Variants in NPAS2 observed in about 807,000 individuals in gnomAD.
NPAS2 encodes neuronal PAS domain-containing protein 2.
NPAS2 carries 23 observed loss-of-function variants against 107.5 expected under a neutral mutation model. The ratio of observed to expected loss-of-function variants is 0.21; its 90% CI spans 0.15 to 0.30. The LOEUF (loss-of-function observed/expected upper bound fraction) is 0.30, where lower values mean the gene tolerates loss of function less well. Ranked by LOEUF, NPAS2 falls within the 10% of genes least tolerant of loss-of-function variation. The probability of loss-of-function intolerance (pLI) is 1.00; values close to 1 mark genes in which losing one functional copy is unlikely to be tolerated. For missense variants in NPAS2, 756 were observed against 1,043.3 expected, an observed-to-expected ratio of 0.72 and a Z score of 3.79; for synonymous variants, 403 against 417.5, an observed-to-expected ratio of 0.97 and a Z score of 0.42.
At chr2:100,993,137 A>C (rs1393324988) in intron 19 of NPAS2, among the ~76,000 whole-genome samples, 1 of 151,824 alleles carries the variant, frequency 6.6e-6, no homozygotes, top group Non-Finnish European at 1.5e-5. Context: ...GTTTCACCAT[A>C]TTGGCCAGGC....
intron 2 of NPAS2, among the ~76,000 whole-genome samples, chr2:100,910,364 T>C (rs1031359150): frequency 6.6e-6 from 1 of 152,070 alleles, no homozygotes; most frequent in African/African-American, 2.4e-5. Context: ...AGCTGTTCTG[T>C]TGCTTCTCGG....
intron 2 of NPAS2, among the ~76,000 whole-genome samples, chr2:100,911,419 T>A (rs1324879209): frequency 1.3e-5 from 2 of 152,210 alleles, no homozygotes; most frequent in Admixed American, 1.3e-4. Context: ...TTTGAAGATG[T>A]GAGCAAAGAT....
chr2:100,846,163 C>T (rs13428708), intron 1 of NPAS2, among the ~76,000 whole-genome samples: 5,267 of 152,218 alleles, frequency 0.035, 146 homozygotes, highest in African/African-American at 0.074. Context: ...TGGTTTTCTG[C>T]TTATATGTTT....
At chr2:100,872,129 A>G (rs1204585476) in intron 1 of NPAS2, among the ~76,000 whole-genome samples, 1 of 152,194 alleles carries the variant, frequency 6.6e-6, no homozygotes, top group African/African-American at 2.4e-5. Flanking sequence ...TGTACTGGAA[A>G]CCATCACCAG....
At chr2:100,868,029 T>C (rs1679359708) in intron 1 of NPAS2, among the ~76,000 whole-genome samples, 1 of 152,202 alleles carries the variant, frequency 6.6e-6, no homozygotes, top group African/African-American at 2.4e-5. Flanking sequence ...TATGAAGACC[T>C]TAGAATGATT....
intron 1 of NPAS2, among the ~76,000 whole-genome samples, chr2:100,895,413 G>A (rs1168816922): frequency 6.6e-6 from 1 of 152,212 alleles, no homozygotes; most frequent in East Asian, 1.9e-4. Flanking sequence ...ACTTGTCCAA[G>A]GTTATACAGA....
At chr2:100,880,996 C>T (rs1680296118) in intron 1 of NPAS2, among the ~76,000 whole-genome samples, 2 of 152,160 alleles carry the variant, frequency 1.3e-5, no homozygotes, top group African/African-American at 4.8e-5. Context: ...CACTCAACCC[C>T]GAGAGCAGCA....
intron 2 of NPAS2, among the ~76,000 whole-genome samples, chr2:100,910,199 C>CT (rs1682452137): frequency 6.6e-6 from 1 of 152,178 alleles, no homozygotes; most frequent in Non-Finnish European, 1.5e-5. Flanking sequence ...TTAGAAAAGG[C>CT]TAAACGTTTC....
intron 19 of NPAS2, among the ~76,000 whole-genome samples, chr2:100,992,757 A>G (rs914724866): frequency 6.6e-6 from 1 of 152,000 alleles, no homozygotes; most frequent in Non-Finnish European, 1.5e-5. Flanking sequence ...CCCAATGCCC[A>G]TTTTTTGATT....
chr2:100,891,064 C>T (rs1459073201), intron 1 of NPAS2, among the ~76,000 whole-genome samples: 1 of 152,116 alleles, frequency 6.6e-6, no homozygotes, highest in Non-Finnish European at 1.5e-5. Flanking sequence ...AACCCCGTCT[C>T]TACTAAAAAT....
At chr2:100,854,718 G>A (rs1270057816) in intron 1 of NPAS2, among the ~76,000 whole-genome samples, 1 of 152,160 alleles carries the variant, frequency 6.6e-6, no homozygotes, top group African/African-American at 2.4e-5. Flanking sequence ...TGTTAAAACT[G>A]TATGGCAGGA....
chr2:100,833,291 G>A (rs752448390), intron 1 of NPAS2, among the ~76,000 whole-genome samples: 1 of 152,222 alleles, frequency 6.6e-6, no homozygotes, highest in Non-Finnish European at 1.5e-5. Flanking sequence ...GTGAAAGGGA[G>A]ATATTGATAC....
chr2:100,909,210 G>A (rs1174678444), intron 2 of NPAS2, among the ~76,000 whole-genome samples: 1 of 152,204 alleles, frequency 6.6e-6, no homozygotes, highest in Non-Finnish European at 1.5e-5. Flanking sequence ...TGTTACAGAT[G>A]AGGATACATA....
chr2:100,901,070 G>T (rs527354396), intron 1 of NPAS2, among the ~76,000 whole-genome samples: 2 of 152,142 alleles, frequency 1.3e-5, no homozygotes, highest in African/African-American at 4.8e-5. Context: ...TTATTAATTG[G>T]AATCTTCTGT....
chr2:100,957,326 C>T (rs530281606), intron 7 of NPAS2, among the ~76,000 whole-genome samples: 148 of 152,348 alleles, frequency 9.7e-4, no homozygotes, highest in African/African-American at 3.4e-3. Context: ...GAAAAGCCCA[C>T]GCTGGACCTG....
intron 4 of NPAS2, 125 bp from the exon 5 acceptor site, chr2:100,937,628 T>C: frequency 1.3e-6 from 1 of 754,574 alleles, no homozygotes; most frequent in South Asian, 1.5e-5. Context: ...CGTGAGGTTA[T>C]TCATGGAAAT....
intron 1 of NPAS2, among the ~76,000 whole-genome samples, chr2:100,830,699 G>A (rs535194473): frequency 1.1e-4 from 16 of 152,270 alleles, no homozygotes; most frequent in African/African-American, 2.2e-4. Context: ...AATAGTCCCC[G>A]TCAGTAGAAG....
chr2:100,890,507 G>A (rs1294408157), intron 1 of NPAS2, among the ~76,000 whole-genome samples: 1 of 152,084 alleles, frequency 6.6e-6, no homozygotes, highest in African/African-American at 2.4e-5. Context: ...TACCACAGGT[G>A]TCCCTGTACC....
chr2:100,949,590 C>T (rs549505367), intron 7 of NPAS2, 110 bp downstream of exon 7: 3 of 656,656 alleles, frequency 4.6e-6, no homozygotes, highest in African/African-American at 3.6e-5. Context: ...GTGCTTTTCA[C>T]ATTTGCATTT....
Sources: allele counts gnomAD v4.1 joint callset (sites outside exome capture counted in the v4.1 genomes callset), GRCh38; gene constraint gnomAD v4.1.1; transcripts MANE v1.5; gene names NCBI Gene and HGNC (gene_info 2026-07-23, HGNC 2026-07-21).